The following PPP2R1B variants were observed in gnomAD, a reference collection of about 807,000 sequenced individuals.
The protein encoded by PPP2R1B is protein phosphatase 2 scaffold subunit Abeta.
In PPP2R1B, 58 loss-of-function variants were observed where a neutral mutation model predicts 72.7. That is an observed-to-expected ratio of 0.80 (90% CI 0.65 to 0.99). The LOEUF is 0.99. Ranked by LOEUF, PPP2R1B falls within the 50% of genes least tolerant of loss-of-function variation. The pLI is 0.00. For missense variants in PPP2R1B, 695 were observed against 733.6 expected, an observed-to-expected ratio of 0.95 and a Z score of 0.61; for synonymous variants, 256 against 264.6, an observed-to-expected ratio of 0.97 and a Z score of 0.32.
the PPP2R1B span, among the ~76,000 whole-genome samples, chr11:111,717,155 A>C: frequency 6.6e-6 from 1 of 151,882 alleles, no homozygotes; most frequent in Non-Finnish European, 1.5e-5. Context: ...TCTACTAAAA[A>C]TGCAAGAAAA....
chr11:111,755,109 GA>G lies in PPP2R1B; in HGVS notation c.844-16del, dbSNP rs1565463781. The G allele has an allele frequency of 3.8e-6, 6 of 1,592,712 alleles. No individual in the cohort carries two copies. ...GCTTTCTGGAGCTATAAAAGAATTTGAACGGGTTTTAATGTATACTAACAAA... is the reference window on the plus strand; with the variant it reads ...GCTTTCTGGAGCTATAAAAGAATTTGACGGGTTTTAATGTATACTAACAAA... On this transcript the variant is annotated splice_polypyrimidine_tract_variant and intron_variant, in intron 6 of 14. Coordinates refer to ENST00000527614, the MANE Select transcript of PPP2R1B (RefSeq NM_002716.5).
chr11:111,691,787 C>G, the PPP2R1B span, among the ~76,000 whole-genome samples: 2 of 152,230 alleles, frequency 1.3e-5, no homozygotes, highest in Non-Finnish European at 2.9e-5. Flanking sequence ...AGCTTCTACT[C>G]TGCTCTTGGA....
chr11:111,765,991 G>A (rs1486346954), intron 1 of PPP2R1B: 11 of 582,820 alleles, frequency 1.9e-5, no homozygotes, highest in East Asian at 1.4e-4. Flanking sequence ...CGGGTTCCCC[G>A]ACAACCGCCC....
the PPP2R1B span, among the ~76,000 whole-genome samples, chr11:111,716,568 C>G: frequency 1.4e-4 from 22 of 152,126 alleles, no homozygotes; most frequent in African/African-American, 3.6e-4. Flanking sequence ...CAGAGTGAGA[C>G]TCTGTCTCAC....
chr11:111,704,589 G>A, the PPP2R1B span, among the ~76,000 whole-genome samples: 1 of 152,178 alleles, frequency 6.6e-6, no homozygotes, highest in Non-Finnish European at 1.5e-5. Flanking sequence ...GTTCAGATTT[G>A]TGTTGAAGCC....
chr11:111,723,063 C>T (rs1021431233), downstream of PPP2R1B, among the ~76,000 whole-genome samples: 1 of 152,176 alleles, frequency 6.6e-6, no homozygotes, highest in Non-Finnish European at 1.5e-5. Context: ...GGGTAGGCGG[C>T]ACAGGAGCCT....
chr11:111,704,639 T>C, the PPP2R1B span, among the ~76,000 whole-genome samples: 1 of 152,172 alleles, frequency 6.6e-6, no homozygotes, highest in Non-Finnish European at 1.5e-5. Flanking sequence ...TAACTGACCT[T>C]ACACCACCGT....
intron 4 of PPP2R1B, among the ~76,000 whole-genome samples, chr11:111,760,240 T>C (rs1555050908): frequency 2.0e-5 from 3 of 152,114 alleles, no homozygotes; most frequent in African/African-American, 7.2e-5. Flanking sequence ...CAAGACCCTA[T>C]CTATATGCCA....
the PPP2R1B span, among the ~76,000 whole-genome samples, chr11:111,713,195 TTAG>T: frequency 1.3e-5 from 1 of 79,372 alleles, no homozygotes; most frequent in Non-Finnish European, 3.4e-5. Context: ...AAAATAAAAG[TTAG>T]TATGTGGAAT....
At position 111,765,006 on chromosome 11, in the gene PPP2R1B, G is replaced by A. The variant is rs147193014; in HGVS notation, c.206-101C>T. The stretch of plus-strand genomic sequence containing the variant: ...AGATTCACTATGCGACCAGGAAGGT[G>A]ACCCAGTCAAAATCCTAACAGCATT... On this transcript the variant is annotated intron_variant, in intron 2 of 14. Transcript: ENST00000527614. 1.8e-5 allele frequency: 27 copies of A among 1,512,030 alleles called. No homozygotes were observed. The African/African-American group carries it at 3.2e-4, about 18-fold the overall frequency. The allele number at this position is 1,512,030 out of a possible 1,614,324, so 93.7% of individuals were successfully genotyped here. A position where few individuals can be genotyped will look rare whatever the true frequency, so the allele number is the denominator to read the frequency against.
At chr11:111,717,316 T>TAA in the PPP2R1B span, among the ~76,000 whole-genome samples, 3 of 930 alleles carry the variant, frequency 3.2e-3, no homozygotes, top group Admixed American at 0.028. Context: ...AGACTCCGTC[T>TAA]CAAAAAAAAA....
intron 15 of PPP2R1B, among the ~76,000 whole-genome samples, chr11:111,731,065 G>A (rs185572880): frequency 1.1e-3 from 164 of 152,340 alleles, no homozygotes; most frequent in African/African-American, 3.6e-3. Flanking sequence ...CACGTTAGCC[G>A]CTGCAGATCG....
In PPP2R1B at chr11:111,738,808, C is replaced by T. The variant is rs1944419298; in HGVS notation, c.*2788G>A. 6 of 985,242 alleles carry T rather than the reference C, an allele frequency of 6.1e-6. No individual in the cohort carries two copies. Among genetic ancestry groups the T allele is most frequent in the African/African-American group, 3.5e-5 (2 of 57,192 alleles). The allele number at this position is 985,242 out of a possible 1,614,324, so 61.0% of individuals were successfully genotyped here. On this transcript the variant is annotated 3_prime_UTR_variant, in exon 15 of 15. Transcript: ENST00000527614. ...TTAAACCTGTGAGGGGTAAACCCCA[C>T]ACAAATTACAGAGAGAAACACCAAG...
At chr11:111,698,946 A>G in the PPP2R1B span, among the ~76,000 whole-genome samples, 1 of 152,206 alleles carries the variant, frequency 6.6e-6, no homozygotes, top group Non-Finnish European at 1.5e-5. Flanking sequence ...TTGACTCATG[A>G]GAACATCTAG....
At chr11:111,716,844 C>CTCT in the PPP2R1B span, among the ~76,000 whole-genome samples, 1 of 152,100 alleles carries the variant, frequency 6.6e-6, no homozygotes, top group East Asian at 1.9e-4. Context: ...ACTGAACAGA[C>CTCT]AACCCACAGA....
chr11:111,726,885 T>G, downstream of PPP2R1B: 1 of 1,310,892 alleles, frequency 7.6e-7, no homozygotes, highest in Non-Finnish European at 1.1e-6. Flanking sequence ...GAGATGAACG[T>G]GAGGTAAAAA....
At chr11:111,709,597 A>G in the PPP2R1B span, among the ~76,000 whole-genome samples, 7 of 152,198 alleles carry the variant, frequency 4.6e-5, no homozygotes, top group African/African-American at 1.7e-4. Context: ...TATCTTGATA[A>G]TATCTGCTTC....
the PPP2R1B span, among the ~76,000 whole-genome samples, chr11:111,721,512 GATTTT>G: frequency 6.6e-6 from 1 of 152,210 alleles, no homozygotes; most frequent in South Asian, 2.1e-4. Context: ...CTACTTACCT[GATTTT>G]ATTTTGAGCC....
chr11:111,708,360 C>T, the PPP2R1B span, among the ~76,000 whole-genome samples: 5 of 151,730 alleles, frequency 3.3e-5, no homozygotes, highest in African/African-American at 9.7e-5. Context: ...CCAGTCTGGG[C>T]GACACAGTGA....
Sources: gnomAD v4.1 joint callset for allele counts (sites outside exome capture counted in the v4.1 genomes callset) on GRCh38, gnomAD v4.1.1 for gene constraint, MANE v1.5 for transcripts, NCBI Gene and HGNC (gene_info 2026-07-23, HGNC 2026-07-21) for gene names.